Variants in RB1 observed in about 807,000 individuals in gnomAD.
RB1 encodes the protein RB transcriptional corepressor 1.
In RB1, 18 loss-of-function variants were observed where a neutral mutation model predicts 135.4. The ratio of observed to expected loss-of-function variants is 0.13; its 90% confidence interval spans 0.09 to 0.20. RB1 has a LOEUF of 0.20. Ranked by LOEUF, RB1 falls within the 10% of genes least tolerant of loss-of-function variation. The pLI, the probability that RB1 is intolerant of heterozygous loss-of-function variation, is 1.00. For synonymous variants in RB1, 365 were observed against 373.2 expected (o/e 0.98, Z 0.25); for missense variants, 868 against 1,110.0 (o/e 0.78, Z 3.10).
At chr13:48,449,012 T>G (rs1375806381) in intron 17 of RB1, among the ~76,000 whole-genome samples, 1 of 152,152 alleles carries the variant, frequency 6.6e-6, no homozygotes, top group Non-Finnish European at 1.5e-5. Context: ...TTTTATTGAG[T>G]GAATTAAGAG....
chr13:48,325,386 C>T (rs1952278659), intron 2 of RB1, among the ~76,000 whole-genome samples: 1 of 152,096 alleles, frequency 6.6e-6, no homozygotes, highest in East Asian at 1.9e-4. Context: ...TTTTTCCTTC[C>T]TCCAGCATAT....
chr13:48,321,787 C>T (rs1050864602), intron 2 of RB1, among the ~76,000 whole-genome samples: 1 of 152,046 alleles, frequency 6.6e-6, no homozygotes, highest in Admixed American at 6.5e-5. Flanking sequence ...ACCCAGGAGG[C>T]GGAGGTTGCA....
In RB1 at chr13:48,480,583, A is replaced by C. The variant is rs886050278; in HGVS notation, c.*512A>C. 4.4e-5 allele frequency: 10 copies of C among 227,088 alleles called. No individual in the cohort carries two copies. In the East Asian group the frequency reaches 6.5e-4, roughly 15 times the overall value. 14.1% of individuals were successfully genotyped at this position (227,088 alleles called of 1,614,324 possible). A position where few individuals can be genotyped will look rare whatever the true frequency, so the allele number is the denominator to read the frequency against. Reference sequence around the variant, plus strand: ...AATTATCCTGAACTCTTCTGCAAAAATGGATATTATTAGAAATTAGAAAAA... The same window carrying C: ...AATTATCCTGAACTCTTCTGCAAAACTGGATATTATTAGAAATTAGAAAAA... On this transcript the variant is annotated 3_prime_UTR_variant, in exon 27 of 27. Transcript: ENST00000267163.
Position 48,481,782 on chromosome 13 carries a change from A to G in RB1, c.*1711A>G, listed in dbSNP as rs1949539790. 4.4e-6 allele frequency: 1 copy of G among 228,056 alleles called. No homozygotes were observed. The highest frequency in any genetic ancestry group is 5.7e-5 in the Admixed American group (1 of 17,630). 14.1% of individuals were successfully genotyped at this position (228,056 alleles called of 1,614,324 possible). ...ATAATGCTTCAGATATTATTGCTTT[A>G]TTGCTTTTTTGTATTGGTTAAAACT... On this transcript the variant is annotated 3_prime_UTR_variant, in exon 27 of 27. Coordinates refer to ENST00000267163, the MANE Select transcript of RB1 (RefSeq NM_000321.3).
chr13:48,319,412 C>T lies in RB1; in HGVS notation c.264+12006C>T, dbSNP rs1347358682. ...TGCCGTCGTTGCTGCTGGAGTCTGA[C>T]GCCTCGGGCGCCTGCGCCGCACTTG... On this transcript the variant is annotated intron_variant, in intron 2 of 26. Coordinates refer to ENST00000267163, the MANE Select transcript of RB1 (RefSeq NM_000321.3). The surrounding 1 kb of genome is among the most constrained non-coding windows in gnomAD (Gnocchi z 5.0). 1.8e-5 allele frequency: 7 copies of T among 381,096 alleles called. No individual in the cohort carries two copies. The highest frequency in any genetic ancestry group is 2.1e-5 in the African/African-American group (1 of 47,176). 23.6% of individuals were successfully genotyped at this position (381,096 alleles called of 1,614,324 possible). A position where few individuals can be genotyped will look rare whatever the true frequency, so the allele number is the denominator to read the frequency against.
intron 17 of RB1, among the ~76,000 whole-genome samples, chr13:48,409,193 T>G (rs1481059742): frequency 6.7e-6 from 1 of 149,966 alleles, no homozygotes; most frequent in Non-Finnish European, 1.5e-5. Context: ...CTGTTGTCCA[T>G]GCTGGAGTAC....
intron 2 of RB1, chr13:48,317,584 T>C: frequency 2.3e-6 from 1 of 434,438 alleles, no homozygotes; most frequent in Non-Finnish European, 4.1e-6. Context: ...GGCAGCATGC[T>C]CGGCCCCTCG....
Position 48,380,232 on chromosome 13 carries a change from A to G in RB1, c.1489A>G (p.Thr497Ala), listed in dbSNP as rs776531398. 2.5e-6 allele frequency: 4 copies of G among 1,596,988 alleles called. No homozygotes were observed. Among genetic ancestry groups the G allele is most frequent in the Non-Finnish European group, 3.4e-6 (4 of 1,166,506 alleles). Residue 497 changes from threonine to alanine, a missense_variant, in exon 16 of 27, where the codon ACA (threonine) becomes GCA (alanine). Physicochemically the swap from Thr to Ala is moderately conservative, Grantham distance 58. Around this residue, in one of 3 missense-constraint regions of RB1, gnomAD observed 641 missense variants for 791.3 expected, o/e 0.81. Transcript: ENST00000267163. ...GTGCGCTCTTGAGGTTGTAATGGCC[A>G]CATATAGCAGTAAGTTAAATTTTCA... is the stretch of plus-strand genomic sequence containing the variant. ...LACALEVVMATYSRSTSQNLD... is the reference protein window; with the variant it reads ...LACALEVVMAAYSRSTSQNLD...
At chr13:48,432,433 T>G (rs1949139856) in intron 17 of RB1, among the ~76,000 whole-genome samples, 1 of 152,030 alleles carries the variant, frequency 6.6e-6, no homozygotes, top group Admixed American at 6.6e-5. Context: ...TTTTGTTTTT[T>G]TTTTTGGGCT....
chr13:48,346,565 G>A (rs1232271310), intron 4 of RB1, among the ~76,000 whole-genome samples: 1 of 150,784 alleles, frequency 6.6e-6, no homozygotes, highest in Non-Finnish European at 1.5e-5. Context: ...ATATTATTTA[G>A]GCCCCTGAAA....
intron 2 of RB1, among the ~76,000 whole-genome samples, chr13:48,338,214 G>A (rs1433615325): frequency 3.3e-5 from 5 of 152,132 alleles, no homozygotes; most frequent in Admixed American, 6.5e-5. Context: ...TCCTGAATTT[G>A]AATGTTGGCC....
rs908738769 is a variant in RB1, at chr13:48,373,405, G to C, written c.1128G>C (p.Arg376Ser). 2.5e-6 allele frequency: 4 copies of C among 1,568,726 alleles called. No individual in the cohort carries two copies. The African/African-American group carries it at 5.4e-5, about 21-fold the overall frequency. The change falls in exon 12 of 27, where the codon AGG becomes AGC. Residue 376 changes from arginine (R) to serine (S), a missense_variant and splice_region_variant. Arg to Ser is a moderately radical substitution (Grantham distance 110). Coordinates refer to ENST00000267163, the MANE Select transcript of RB1 (RefSeq NM_000321.3). ...VNVIPPHTPVRTVMNTIQQLM... is the reference protein window; with the variant it reads ...VNVIPPHTPVSTVMNTIQQLM... ...ATTTTCCTATTTTTATCCCCTCTAG[G>C]ACTGTTATGAACACTATCCAACAAT... is the stretch of plus-strand genomic sequence containing the variant.
At chr13:48,446,651 G>A (rs1949290142) in intron 17 of RB1, among the ~76,000 whole-genome samples, 1 of 152,118 alleles carries the variant, frequency 6.6e-6, no homozygotes, top group African/African-American at 2.4e-5. Context: ...GAATAATGGA[G>A]TGGGGTGAGT....
chr13:48,453,913 G>C (rs1012408176), intron 18 of RB1, among the ~76,000 whole-genome samples: 1 of 152,142 alleles, frequency 6.6e-6, no homozygotes, highest in African/African-American at 2.4e-5. Flanking sequence ...GTATTTATTT[G>C]TGTGGGAACA....
chr13:48,329,235 A>G (rs965499846), intron 2 of RB1, among the ~76,000 whole-genome samples: 4 of 152,166 alleles, frequency 2.6e-5, no homozygotes, highest in Non-Finnish European at 5.9e-5. Flanking sequence ...GCATTTTCAT[A>G]TTCTAAAAAC....
In RB1 at chr13:48,366,161, A is replaced by G. The variant is rs1228333984; in HGVS notation, c.939+1190A>G. Among the ~76,000 whole-genome samples, 7 of 151,982 alleles carry G rather than the reference A, an allele frequency of 4.6e-5. No homozygotes were observed. The East Asian group carries it at 1.3e-3, about 29-fold the overall frequency. Reference sequence around the variant, plus strand: ...GAGGCAAGAAGGGACCAAATGTTATATTAATGAGTCTTGTTACCACTTTTG... The same window carrying G: ...GAGGCAAGAAGGGACCAAATGTTATGTTAATGAGTCTTGTTACCACTTTTG... On this transcript the variant is annotated intron_variant, in intron 9 of 26. Transcript: ENST00000267163.
At chr13:48,346,622 T>C (rs181795477) in intron 4 of RB1, among the ~76,000 whole-genome samples, 3 of 151,930 alleles carry the variant, frequency 2.0e-5, no homozygotes, top group African/African-American at 7.2e-5. Flanking sequence ...CAATACATAT[T>C]AAACATATCT....
intron 6 of RB1, among the ~76,000 whole-genome samples, chr13:48,351,626 T>C (rs1175726493): frequency 2.0e-5 from 3 of 152,160 alleles, no homozygotes; most frequent in African/African-American, 7.2e-5. Context: ...TTGTTGTGAT[T>C]GCTTTTGGTG....
At chr13:48,317,285 G>T (rs1433392390) in intron 2 of RB1, 3 of 401,520 alleles carry the variant, frequency 7.5e-6, no homozygotes, top group Non-Finnish European at 1.3e-5. Flanking sequence ...CCCACAAGGG[G>T]TAGGCTGGGC....
Sources: gnomAD v4.1 joint callset for allele counts (sites outside exome capture counted in the v4.1 genomes callset) on GRCh38, gnomAD v4.1.1 for gene constraint, gnomAD v4.1.1 regional missense constraint, Gnocchi (gnomAD v3.1) non-coding constraint, MANE v1.5 for transcripts, NCBI Gene and HGNC (gene_info 2026-07-23, HGNC 2026-07-21) for gene names.